The following FBXL17 variants were observed in gnomAD, a reference collection of about 807,000 sequenced individuals.
FBXL17 encodes F-box and leucine rich repeat protein 17.
FBXL17 carries 22 observed loss-of-function variants against 66.2 expected under a neutral mutation model. That is an observed-to-expected ratio of 0.33 (90% CI 0.24 to 0.47). FBXL17 has a LOEUF of 0.47. FBXL17 is among the 20% of genes least tolerant of loss of function. FBXL17 has a pLI of 1.00. For synonymous variants in FBXL17, 474 were observed against 400.5 expected, an observed-to-expected ratio of 1.18 and a Z score of -2.19; for missense variants, 878 against 948.2, an observed-to-expected ratio of 0.93 and a Z score of 0.97.
intron 4 of FBXL17, among the ~76,000 whole-genome samples, chr5:108,318,067 TA>T (rs928503546): frequency 7.3e-5 from 11 of 151,276 alleles, no homozygotes; most frequent in African/African-American, 2.4e-4. Context: ...CGCTGATAGC[TA>T]AAAAAAACTA....
chr5:107,875,692 T>C (rs1286871488), intron 8 of FBXL17, among the ~76,000 whole-genome samples: 1 of 152,264 alleles, frequency 6.6e-6, no homozygotes, highest in Admixed American at 6.5e-5. Context: ...TCTTATGTCC[T>C]GTAGAATACA....
chr5:108,353,716 C>A (rs1007025931), intron 3 of FBXL17, among the ~76,000 whole-genome samples: 5 of 152,066 alleles, frequency 3.3e-5, no homozygotes, highest in Non-Finnish European at 5.9e-5. Flanking sequence ...AGGGATATAC[C>A]AAACTCCAGC....
chr5:108,171,261 C>G, intron 6 of FBXL17, among the ~76,000 whole-genome samples: 1 of 152,052 alleles, frequency 6.6e-6, no homozygotes, highest in East Asian at 1.9e-4. Flanking sequence ...TCAGGGACTC[C>G]AAGGTAAGTT....
At chr5:108,213,576 C>T (rs1033707257) in intron 5 of FBXL17, among the ~76,000 whole-genome samples, 1 of 152,124 alleles carries the variant, frequency 6.6e-6, no homozygotes, top group African/African-American at 2.4e-5. Context: ...CTGGGTGAGG[C>T]AATGCCCCAC....
chr5:108,015,801 C>A (rs1043672510), intron 7 of FBXL17, among the ~76,000 whole-genome samples: 2 of 152,052 alleles, frequency 1.3e-5, no homozygotes, highest in Non-Finnish European at 2.9e-5. Flanking sequence ...AAGGTATAAC[C>A]TTTTAATCTT....
chr5:108,342,890 T>C (rs1003889170), intron 4 of FBXL17, among the ~76,000 whole-genome samples: 4 of 152,172 alleles, frequency 2.6e-5, no homozygotes, highest in South Asian at 2.1e-4. Flanking sequence ...GTCTAAAGGT[T>C]TGTGTACCCC....
In FBXL17 at chr5:108,113,660, T is replaced by A. The variant is rs73208888; in HGVS notation, c.1745+72457A>T. Among the ~76,000 whole-genome samples, 4 of 152,182 alleles carry A rather than the reference T, an allele frequency of 2.6e-5. No individual in the cohort carries two copies. In the East Asian group the frequency reaches 7.7e-4, roughly 29 times the overall value. Reference sequence around the variant, plus strand: ...TAAATCTCTCTGAGAAATGTCCCCATTGAACTAAACACTCCTCACATTAAA... The same window carrying A: ...TAAATCTCTCTGAGAAATGTCCCCAATGAACTAAACACTCCTCACATTAAA... On this transcript the variant is annotated intron_variant, in intron 6 of 8. Transcript: ENST00000542267.
intron 6 of FBXL17, among the ~76,000 whole-genome samples, chr5:108,167,134 A>G (rs1752443503): frequency 6.6e-6 from 1 of 152,148 alleles, no homozygotes; most frequent in Non-Finnish European, 1.5e-5. Context: ...AGATAGTATA[A>G]TGAGTACACT....
At chr5:108,299,984 G>A (rs1758512925) in intron 4 of FBXL17, 1 of 260,650 alleles carries the variant, frequency 3.8e-6, no homozygotes, top group African/African-American at 2.3e-5. Flanking sequence ...TTTAAAAGGA[G>A]TATGTCCATT....
At chr5:108,073,057 C>T (rs1325332828) in intron 6 of FBXL17, among the ~76,000 whole-genome samples, 15 of 152,100 alleles carry the variant, frequency 9.9e-5, no homozygotes, top group South Asian at 6.2e-4. Flanking sequence ...TGTCTAGTTA[C>T]AGAAGTCAGA....
At chr5:108,281,250 A>G (rs116556609) in intron 4 of FBXL17, among the ~76,000 whole-genome samples, 1,708 of 152,052 alleles carry the variant, frequency 0.011, 47 homozygotes, top group African/African-American at 0.039. Context: ...TCTCCTAGAT[A>G]GACCATATGT....
chr5:107,914,583 G>A (rs532481205), intron 7 of FBXL17, among the ~76,000 whole-genome samples: 1 of 152,326 alleles, frequency 6.6e-6, no homozygotes, highest in South Asian at 2.1e-4. Context: ...AAGCACACTT[G>A]TGTATTCCAT....
intron 6 of FBXL17, among the ~76,000 whole-genome samples, chr5:108,075,991 A>G (rs1422749578): frequency 6.6e-6 from 1 of 152,230 alleles, no homozygotes; most frequent in African/African-American, 2.4e-5. Flanking sequence ...TTCAAATCCA[A>G]TAATTGTAGT....
At chr5:108,122,602 T>C (rs753303755) in intron 6 of FBXL17, among the ~76,000 whole-genome samples, 1 of 152,184 alleles carries the variant, frequency 6.6e-6, no homozygotes, top group African/African-American at 2.4e-5. Context: ...GAAATGAGTA[T>C]AATTAGAAAA....
At chr5:108,142,574 T>A (rs1751391027) in intron 6 of FBXL17, among the ~76,000 whole-genome samples, 1 of 152,242 alleles carries the variant, frequency 6.6e-6, no homozygotes, top group Admixed American at 6.5e-5. Flanking sequence ...AACTGATTTT[T>A]TCGCCTAGAG....
At chr5:108,086,302 G>A (rs930861744) in intron 6 of FBXL17, among the ~76,000 whole-genome samples, 2 of 152,174 alleles carry the variant, frequency 1.3e-5, no homozygotes, top group African/African-American at 4.8e-5. Context: ...AAGAGGCCGG[G>A]AAAAATCTAA....
intron 6 of FBXL17, among the ~76,000 whole-genome samples, chr5:108,052,158 G>GCCCTCTCT (rs1402705220): frequency 1.3e-5 from 2 of 149,254 alleles, no homozygotes; most frequent in Non-Finnish European, 3.0e-5. Context: ...AGACAAGAAT[G>GCCCTCTCT]CCCTCTCTCA....
chr5:107,934,495 A>G (rs1171621860), intron 7 of FBXL17, among the ~76,000 whole-genome samples: 6 of 152,184 alleles, frequency 3.9e-5, no homozygotes, highest in Non-Finnish European at 7.4e-5. Context: ...AAGTACTATA[A>G]TGTCACCAAA....
chr5:108,263,566 C>G (rs1489178165), intron 4 of FBXL17, among the ~76,000 whole-genome samples: 1 of 152,152 alleles, frequency 6.6e-6, no homozygotes, highest in Non-Finnish European at 1.5e-5. Flanking sequence ...TCACTAATCT[C>G]TATTCAGCAT....
Sources: gnomAD v4.1 joint callset for allele counts (sites outside exome capture counted in the v4.1 genomes callset) on GRCh38, gnomAD v4.1.1 for gene constraint, MANE v1.5 for transcripts, NCBI Gene and HGNC (gene_info 2026-07-23, HGNC 2026-07-21) for gene names.